WIPF3: variants seen among roughly 807,000 people sequenced by gnomAD.
WIPF3 encodes WAS/WASL-interacting protein family member 3.
WIPF3 carries 33 observed loss-of-function variants against 38.9 expected under a neutral mutation model. The ratio of observed to expected loss-of-function variants is 0.85; its 90% CI spans 0.64 to 1.14. The LOEUF is 1.14. WIPF3 is among the 50% of genes most tolerant of loss of function. WIPF3 has a pLI of 0.00. For missense variants in WIPF3, 711 were observed against 652.5 expected, an observed-to-expected ratio of 1.09 and a Z score of -0.98; for synonymous variants, 324 against 269.3, an observed-to-expected ratio of 1.20 and a Z score of -1.99.
chr7:29,824,849 A>G (rs940454635), intron 1 of WIPF3, among the ~76,000 whole-genome samples: 1 of 152,150 alleles, frequency 6.6e-6, no homozygotes, highest in African/African-American at 2.4e-5. Flanking sequence ...GTTTTAGCCT[A>G]ACTTCAAACT....
At chr7:29,880,622 G>A (rs1012344460) in intron 4 of WIPF3, among the ~76,000 whole-genome samples, 2 of 152,160 alleles carry the variant, frequency 1.3e-5, no homozygotes, top group Non-Finnish European at 2.9e-5. Flanking sequence ...GTTTTCATAG[G>A]AAGCAGCCAA....
At chr7:29,863,501 G>A (rs1363576145) in intron 2 of WIPF3, among the ~76,000 whole-genome samples, 1 of 152,206 alleles carries the variant, frequency 6.6e-6, no homozygotes, top group Non-Finnish European at 1.5e-5. Context: ...ATCAGGTAAT[G>A]TGAGTTATCC....
chr7:29,850,580 A>G (rs912777490), intron 2 of WIPF3, among the ~76,000 whole-genome samples: 2 of 152,226 alleles, frequency 1.3e-5, no homozygotes, highest in African/African-American at 2.4e-5. Flanking sequence ...AAGACGTCAC[A>G]ACATGGGTAC....
Position 29,883,917 on chromosome 7 carries a change from C to G in WIPF3, c.423C>G (p.Ser141Arg), listed in dbSNP as rs747403333. Reference sequence around the variant, plus strand: ...CCAGGCTTCCCAACAAAACCATCAGCGGCCCGCTTATCCCGCCTGCCTCTC... The same window carrying G: ...CCAGGCTTCCCAACAAAACCATCAGGGGCCCGCTTATCCCGCCTGCCTCTC... Reference protein sequence around the residue: ...PSPRLPNKTISGPLIPPASPR... With the variant: ...PSPRLPNKTIRGPLIPPASPR... Residue 141 changes from serine to arginine, a missense_variant, in exon 5 of 9, where the codon AGC becomes AGG. By Grantham distance (110) the Ser-to-Arg change is moderately radical. Coordinates refer to ENST00000242140, the MANE Select transcript of WIPF3 (RefSeq NM_001080529.3). The G allele has an allele frequency of 2.0e-5, 31 of 1,572,796 alleles. No homozygotes were observed. The highest frequency in any genetic ancestry group is 3.3e-4 in the Middle Eastern group (2 of 5,974).
Position 29,879,150 on chromosome 7 carries a change from A to C in WIPF3, c.355+10A>C. 1 of 1,607,118 alleles carries C rather than the reference A, an allele frequency of 6.2e-7. No homozygotes were observed. The highest frequency in any genetic ancestry group is 8.5e-7 in the Non-Finnish European group (1 of 1,175,592). On this transcript the variant is annotated intron_variant, in intron 4 of 8. Coordinates refer to ENST00000242140, the MANE Select transcript of WIPF3 (RefSeq NM_001080529.3). ...CAGCGGGATGTAGCAGGTAAGGAAG[A>C]ATTCATTCTGGCTCCCTTGTGGTCT...
At chr7:29,839,634 C>T (rs573454574) in intron 2 of WIPF3, among the ~76,000 whole-genome samples, 25 of 152,322 alleles carry the variant, frequency 1.6e-4, no homozygotes, top group South Asian at 1.5e-3. Context: ...ACCAGGACCC[C>T]TGAGCCACAG....
intron 1 of WIPF3, among the ~76,000 whole-genome samples, chr7:29,819,965 T>C (rs1285561919): frequency 6.6e-6 from 1 of 152,192 alleles, no homozygotes; most frequent in Admixed American, 6.5e-5. Context: ...AGGGACACTT[T>C]AATATGTGTC....
chr7:29,858,543 A>G lies in WIPF3; in HGVS notation c.91-17287A>G, dbSNP rs187284763. On this transcript the variant is annotated intron_variant, in intron 2 of 8. Transcript: ENST00000242140. ...AATACACCCCCCTTATTCTGTTACA[A>G]TGTACTTCCTCAGATAGTTGGTCTG... Among the ~76,000 whole-genome samples, 569 of 152,332 alleles carry G rather than the reference A, an allele frequency of 3.7e-3. 1 individual carries two copies. Among genetic ancestry groups the G allele is most frequent in the African/African-American group, 0.012 (504 of 41,572 alleles).
chr7:29,824,715 C>T (rs374855206), intron 1 of WIPF3, among the ~76,000 whole-genome samples: 14 of 152,148 alleles, frequency 9.2e-5, no homozygotes, highest in African/African-American at 3.1e-4. Context: ...ATGTCATGGA[C>T]GCTGATAGGT....
intron 2 of WIPF3, among the ~76,000 whole-genome samples, chr7:29,856,053 A>C (rs1008610971): frequency 1.3e-5 from 2 of 152,220 alleles, no homozygotes; most frequent in Non-Finnish European, 2.9e-5. Flanking sequence ...ATATATGTAG[A>C]TAGGACTATA....
intron 2 of WIPF3, among the ~76,000 whole-genome samples, chr7:29,840,636 A>G (rs1469558488): frequency 6.6e-6 from 1 of 152,236 alleles, no homozygotes; most frequent in African/African-American, 2.4e-5. Context: ...CTAAACATCT[A>G]TGTTGTGAAA....
intron 5 of WIPF3, among the ~76,000 whole-genome samples, chr7:29,885,107 G>C (rs1226679517): frequency 2.6e-5 from 4 of 152,204 alleles, no homozygotes; most frequent in African/African-American, 9.7e-5. Context: ...CAGTAAACTG[G>C]ATTCCCACTC....
chr7:29,872,741 A>G (rs1785519399), intron 2 of WIPF3, among the ~76,000 whole-genome samples: 1 of 141,124 alleles, frequency 7.1e-6, no homozygotes, highest in African/African-American at 2.7e-5. Flanking sequence ...GCTTGCAGTG[A>G]GCCGAGATCG....
chr7:29,813,128 C>G (rs900995681), intron 1 of WIPF3, among the ~76,000 whole-genome samples: 3 of 152,208 alleles, frequency 2.0e-5, no homozygotes, highest in Non-Finnish European at 4.4e-5. Flanking sequence ...ACCCCAGGCT[C>G]TTTCTTCTTC....
intron 1 of WIPF3, among the ~76,000 whole-genome samples, chr7:29,815,316 G>T (rs917284666): frequency 6.6e-6 from 1 of 152,248 alleles, no homozygotes; most frequent in Admixed American, 6.5e-5. Flanking sequence ...CATTTTAAAA[G>T]CTTTTGCTCG....
At chr7:29,857,685 CTG>C (rs1562779048) in intron 2 of WIPF3, among the ~76,000 whole-genome samples, 1 of 152,122 alleles carries the variant, frequency 6.6e-6, no homozygotes, top group African/African-American at 2.4e-5. Context: ...ATGTTGATGA[CTG>C]TGGAGCTTTA....
intron 7 of WIPF3, among the ~76,000 whole-genome samples, chr7:29,894,916 G>GT (rs1786103160): frequency 4.7e-5 from 5 of 105,546 alleles, no homozygotes; most frequent in Admixed American, 4.0e-4. Flanking sequence ...TGTGTGTGTT[G>GT]TTGTTTTTTT....
chr7:29,904,559 A>G (rs1009254038), intron 8 of WIPF3, 197 bp downstream of exon 8: 2 of 572,686 alleles, frequency 3.5e-6, no homozygotes, highest in East Asian at 3.0e-5. Flanking sequence ...GTGTGACAAA[A>G]GGGGGCTTCC....
rs749062072 is a variant in WIPF3 at position 29,837,137 on chromosome 7, C to T, written c.90+2323C>T. Among the ~76,000 whole-genome samples the T allele has an allele frequency of 1.2e-4, 18 of 152,246 alleles. 1 individual carries two copies. The South Asian group carries it at 2.1e-3, about 18-fold the overall frequency. ...TTGGGAGGCTGAGGCAAGTGGATCA[C>T]GAGGTCAGGAGATGGAGACCACCCT... On this transcript the variant is annotated intron_variant, in intron 2 of 8. Transcript: ENST00000242140.
Sources: gnomAD v4.1 joint callset for allele counts (sites outside exome capture counted in the v4.1 genomes callset) on GRCh38, gnomAD v4.1.1 for gene constraint, MANE v1.5 for transcripts, NCBI Gene and HGNC (gene_info 2026-07-23, HGNC 2026-07-21) for gene names.